Variants in PDE10A observed in about 807,000 individuals in gnomAD.
PDE10A encodes cAMP and cAMP-inhibited cGMP 3',5'-cyclic phosphodiesterase 10A.
In PDE10A, 39 loss-of-function variants were observed where a neutral mutation model predicts 97.7. The observed-to-expected ratio is 0.40, with a 90% confidence interval of 0.31 to 0.52. PDE10A has a LOEUF of 0.52. PDE10A is among the 20% of genes least tolerant of loss of function. PDE10A has a pLI of 0.56. For missense variants in PDE10A, 731 were observed against 1,047.8 expected (o/e 0.70, Z 4.17); for synonymous variants, 371 against 376.8 (o/e 0.98, Z 0.18).
chr6:165,566,916 A>G (rs1246991376), intron 1 of PDE10A, among the ~76,000 whole-genome samples: 2 of 152,210 alleles, frequency 1.3e-5, no homozygotes, highest in Non-Finnish European at 2.9e-5. Flanking sequence ...GAAAAATCTG[A>G]ACACAGGCAT....
At chr6:165,602,482 C>G (rs1011491524) in intron 1 of PDE10A, among the ~76,000 whole-genome samples, 1 of 152,138 alleles carries the variant, frequency 6.6e-6, no homozygotes, top group Non-Finnish European at 1.5e-5. Flanking sequence ...TGAGCGGGAA[C>G]AACATTTCTG....
Position 165,736,283 on chromosome 6 carries a change from G to A in PDE10A, c.-614-192715C>T, listed in dbSNP as rs73030229. Among the ~76,000 whole-genome samples the A allele has an allele frequency of 7.7e-3, 1,176 of 152,288 alleles. 9 individuals are homozygous for A. Among genetic ancestry groups the A allele is most frequent in the Non-Finnish European group, 0.013 (853 of 68,020 alleles). On this transcript the variant is annotated intron_variant, in intron 1 of 19. Transcript: ENST00000366882. The stretch of plus-strand genomic sequence containing the variant: ...AGTCCCCTCATAGATACATCCATTT[G>A]AACAACCATCCACATGCAAAAATGG...
chr6:165,777,675 G>T (rs1400376630), intron 1 of PDE10A, among the ~76,000 whole-genome samples: 2 of 150,884 alleles, frequency 1.3e-5, no homozygotes, highest in African/African-American at 4.9e-5. Context: ...TAAGATCGGC[G>T]GCTGATCTCC....
At chr6:165,556,188 G>T (rs999891338) in intron 1 of PDE10A, among the ~76,000 whole-genome samples, 4 of 152,122 alleles carry the variant, frequency 2.6e-5, no homozygotes, top group African/African-American at 7.2e-5. Context: ...ACTGGGCTGG[G>T]GGGGTCAGTA....
At chr6:165,925,935 C>T (rs1172130458) in intron 1 of PDE10A, among the ~76,000 whole-genome samples, 1 of 152,142 alleles carries the variant, frequency 6.6e-6, no homozygotes, top group Non-Finnish European at 1.5e-5. Flanking sequence ...TGTTGATTAC[C>T]ATAGCAGACT....
intron 3 of PDE10A, among the ~76,000 whole-genome samples, chr6:165,454,790 G>A (rs1777851127): frequency 6.6e-6 from 1 of 152,176 alleles, no homozygotes; most frequent in African/African-American, 2.4e-5. Flanking sequence ...CCCTGGAACT[G>A]AACGGCGCAG....
chr6:165,385,318 T>G (rs772567274), intron 17 of PDE10A, among the ~76,000 whole-genome samples: 9 of 150,960 alleles, frequency 6.0e-5, no homozygotes, highest in Non-Finnish European at 1.3e-4. Context: ...ATAAGTATAA[T>G]ACCAAGCACA....
intron 1 of PDE10A, among the ~76,000 whole-genome samples, chr6:165,812,792 G>A (rs534828245): frequency 3.9e-5 from 6 of 152,114 alleles, no homozygotes; most frequent in Non-Finnish European, 8.8e-5. Flanking sequence ...CTACAAAAAC[G>A]GTAGGTACAA....
chr6:165,583,179 T>C (rs572511863), intron 1 of PDE10A, among the ~76,000 whole-genome samples: 5 of 152,314 alleles, frequency 3.3e-5, no homozygotes, highest in Admixed American at 1.3e-4. Context: ...ACTATCCTCA[T>C]TTTACAGAAG....
chr6:165,613,306 T>G (rs1583644783), intron 1 of PDE10A, among the ~76,000 whole-genome samples: 1 of 152,134 alleles, frequency 6.6e-6, no homozygotes, highest in Non-Finnish European at 1.5e-5. Context: ...ATTGCCTGTT[T>G]GGGGACACGG....
At chr6:165,946,871 C>T (rs1166151023) in intron 1 of PDE10A, 1 of 152,134 alleles carries the variant, frequency 6.6e-6, no homozygotes, top group African/African-American at 2.4e-5. Flanking sequence ...CACTTGCATA[C>T]CTAAAATGAA....
chr6:165,334,088 C>A (rs1340898011), intron 21 of PDE10A, among the ~76,000 whole-genome samples: 2 of 152,208 alleles, frequency 1.3e-5, no homozygotes, highest in East Asian at 3.8e-4. Flanking sequence ...AAAAGCCATA[C>A]ACTAATTTTG....
chr6:165,678,695 G>A (rs1043704875), intron 1 of PDE10A, among the ~76,000 whole-genome samples: 4 of 152,052 alleles, frequency 2.6e-5, no homozygotes, highest in Non-Finnish European at 4.4e-5. Context: ...ACCCGCTTCC[G>A]CCCACACTCA....
intron 1 of PDE10A, chr6:165,576,576 CAG>C: frequency 1.5e-6 from 1 of 678,348 alleles, no homozygotes; most frequent in East Asian, 2.5e-5. Context: ...AAATAACTAA[CAG>C]ATAATTCTCA....
chr6:165,464,294 C>A (rs1248003192), intron 3 of PDE10A, among the ~76,000 whole-genome samples: 1 of 152,122 alleles, frequency 6.6e-6, no homozygotes, highest in Non-Finnish European at 1.5e-5. Flanking sequence ...AGATGAAAAA[C>A]CATGACTCAT....
chr6:165,482,287 T>C lies in PDE10A; in HGVS notation c.1023+28A>G, dbSNP rs770139828. 5.0e-6 allele frequency: 7 copies of C among 1,398,488 alleles called. No individual in the cohort carries two copies. In the Admixed American group the frequency reaches 6.7e-5, roughly 13 times the overall value. The allele number at this position is 1,398,488 out of a possible 1,614,324, so 86.6% of individuals were successfully genotyped here. ...AACAGATTCATTTCCTATACTGCAG[T>C]AGTAGAAATAATATTCACATCACTT... On this transcript the variant is annotated intron_variant, in intron 3 of 21. Coordinates refer to ENST00000539869, the MANE Select transcript of PDE10A (RefSeq NM_001385079.1).
chr6:165,569,735 T>C lies in PDE10A; in HGVS notation c.866-26167A>G, dbSNP rs556867437. On this transcript the variant is annotated intron_variant, in intron 1 of 21. Transcript: ENST00000539869. ...ATGCTTCACAGGAAATGTTACTCCC[T>C]ACTCTCATTCCGGTTTACTGTTCCC... is the stretch of plus-strand genomic sequence containing the variant. Among the ~76,000 whole-genome samples, 3 of 152,332 alleles carry C rather than the reference T, an allele frequency of 2.0e-5. No individual in the cohort carries two copies. In the South Asian group the frequency reaches 6.2e-4, roughly 32 times the overall value.
intron 1 of PDE10A, among the ~76,000 whole-genome samples, chr6:165,945,357 T>C (rs1783731892): frequency 6.6e-6 from 1 of 152,236 alleles, no homozygotes; most frequent in African/African-American, 2.4e-5. Context: ...CTTGACTTCC[T>C]AACCCTCAGA....
At chr6:165,939,318 T>G (rs1783437395) in intron 1 of PDE10A, 1 of 152,226 alleles carries the variant, frequency 6.6e-6, no homozygotes, top group Non-Finnish European at 1.5e-5. Context: ...CGTGGATGTA[T>G]TTATATCTGT....
Sources: gnomAD v4.1 joint callset for allele counts (sites outside exome capture counted in the v4.1 genomes callset) on GRCh38, gnomAD v4.1.1 for gene constraint, MANE v1.5 for transcripts, NCBI Gene and HGNC (gene_info 2026-07-23, HGNC 2026-07-21) for gene names.